RAB11FIP4: variants seen among roughly 807,000 people sequenced by gnomAD.
The protein encoded by RAB11FIP4 is RAB11 family interacting protein 4.
In RAB11FIP4, 23 loss-of-function variants were observed where a neutral mutation model predicts 74.3. The ratio of observed to expected loss-of-function variants is 0.31; its 90% CI spans 0.22 to 0.44. RAB11FIP4 has a LOEUF of 0.44. RAB11FIP4 is among the 20% of genes least tolerant of loss of function. RAB11FIP4 has a pLI of 1.00. For synonymous variants in RAB11FIP4, 360 were observed against 359.9 expected (o/e 1.00, Z 0.00); for missense variants, 630 against 863.9 (o/e 0.73, Z 3.39).
At chr17:31,418,916 C>G (rs1045829611) in intron 1 of RAB11FIP4, among the ~76,000 whole-genome samples, 1 of 152,150 alleles carries the variant, frequency 6.6e-6, no homozygotes, top group Middle Eastern at 3.2e-3. Context: ...ACGGCTCATC[C>G]CCCAAATTCT....
chr17:31,512,250 T>C lies in RAB11FIP4; in HGVS notation c.337-5401T>C, dbSNP rs892863138. 6.6e-6 allele frequency among the ~76,000 whole-genome samples: 1 copy of C among 151,526 alleles called. No individual in the cohort carries two copies. The highest frequency in any genetic ancestry group is 1.5e-5 in the Non-Finnish European group (1 of 67,794). ...GCTCCTACCGTGACCGACTCTCCGG[T>C]GTAAATTGTCACGTGTGGCCCCCTA... On this transcript the variant is annotated intron_variant, in intron 3 of 14. Coordinates refer to ENST00000621161, the MANE Select transcript of RAB11FIP4 (RefSeq NM_032932.6). The surrounding 1 kb of genome is among the most constrained non-coding windows in gnomAD (Gnocchi z 4.1).
At chr17:31,421,244 C>T (rs1200171550) in intron 1 of RAB11FIP4, among the ~76,000 whole-genome samples, 1 of 151,294 alleles carries the variant, frequency 6.6e-6, no homozygotes, top group East Asian at 1.9e-4. Context: ...TTTTTTGAGA[C>T]AGTCTCGCTC....
intron 3 of RAB11FIP4, among the ~76,000 whole-genome samples, chr17:31,445,575 T>C (rs9905999): frequency 0.042 from 465 of 10,962 alleles, 19 homozygotes; most frequent in African/African-American, 0.14. Context: ...TATATATATA[T>C]ATATTTTTTT....
intron 3 of RAB11FIP4, among the ~76,000 whole-genome samples, chr17:31,442,827 G>A (rs773834084): frequency 6.6e-6 from 1 of 152,128 alleles, no homozygotes; most frequent in Non-Finnish European, 1.5e-5. Context: ...AGGCGTGATA[G>A]CGCATGCCTG....
At chr17:31,466,323 C>CT (rs1394482235) in intron 3 of RAB11FIP4, among the ~76,000 whole-genome samples, 28 of 152,204 alleles carry the variant, frequency 1.8e-4, no homozygotes, top group Non-Finnish European at 2.8e-4. Context: ...TCCGCCACTT[C>CT]TAGTCCTGTG....
chr17:31,505,091 G>A (rs967275268), intron 3 of RAB11FIP4, among the ~76,000 whole-genome samples: 1 of 152,004 alleles, frequency 6.6e-6, no homozygotes, highest in Non-Finnish European at 1.5e-5. Flanking sequence ...CTTAGGCATC[G>A]CGTTGGGAGG....
intron 4 of RAB11FIP4, 95 bp from the exon 5 acceptor site, chr17:31,521,071 C>A: frequency 1.0e-6 from 1 of 969,110 alleles, no homozygotes; most frequent in Non-Finnish European, 1.5e-6. Flanking sequence ...ATCGGTAGTG[C>A]CAATTAAAGG....
chr17:31,528,745 G>T lies in RAB11FIP4; in HGVS notation c.1620G>T (p.Val540=). ...LGEFNARARE[V]ELEHEVKRLK... ...AGTTCAATGCCAGGGCCCGCGAGGT[G>T]GAGCTCGAGCACGAGGTCAAGCGGC... The change falls in exon 13 of 15, where the codon GTG becomes GTT. Residue 540 remains valine (V), a synonymous_variant. Coordinates refer to ENST00000621161, the MANE Select transcript of RAB11FIP4 (RefSeq NM_032932.6). 2 of 1,611,202 alleles carry T rather than the reference G, an allele frequency of 1.2e-6. No homozygotes were observed.
At chr17:31,519,007 CT>C (rs1190316585) in intron 4 of RAB11FIP4, among the ~76,000 whole-genome samples, 6,491 of 73,798 alleles carry the variant, frequency 0.088, 66 homozygotes, top group South Asian at 0.14. Flanking sequence ...TAAGTTTTGT[CT>C]TTTTTTTTTT....
At chr17:31,488,065 C>A (rs1282101576) in intron 3 of RAB11FIP4, 1 of 1,016,832 alleles carries the variant, frequency 9.8e-7, no homozygotes, top group Non-Finnish European at 1.2e-6. Context: ...CTTCGGCCCA[C>A]GCGGGTCTCC....
At chr17:31,488,906 C>A (rs1271238697) in intron 3 of RAB11FIP4, among the ~76,000 whole-genome samples, 2 of 152,198 alleles carry the variant, frequency 1.3e-5, no homozygotes, top group African/African-American at 4.8e-5. Flanking sequence ...GTCCTGGCGG[C>A]GCAGTCTCTG....
Position 31,531,888 on chromosome 17 carries a change from GCA to G in RAB11FIP4, c.*160_*161del. The G allele has an allele frequency of 1.6e-6, 1 of 631,422 alleles. No homozygotes were observed. Among genetic ancestry groups the G allele is most frequent in the Non-Finnish European group, 2.8e-6 (1 of 355,040 alleles). 39.1% of individuals were successfully genotyped at this position (631,422 alleles called of 1,614,324 possible). ...ACCCGTGTATATGTGGGGAGGCTGT[GCA>G]CACGAGCGAGGGGTGAGTGGCCGTG... On this transcript the variant is annotated 3_prime_UTR_variant, in exon 15 of 15. Coordinates refer to ENST00000621161, the MANE Select transcript of RAB11FIP4 (RefSeq NM_032932.6).
chr17:31,409,969 G>A (rs1187485608), intron 1 of RAB11FIP4, among the ~76,000 whole-genome samples: 1 of 152,130 alleles, frequency 6.6e-6, no homozygotes, highest in Non-Finnish European at 1.5e-5. Context: ...TGTCTGAACG[G>A]GTCAGAGGTC....
At chr17:31,483,658 C>G (rs1042273862) in intron 3 of RAB11FIP4, among the ~76,000 whole-genome samples, 1 of 152,120 alleles carries the variant, frequency 6.6e-6, no homozygotes, top group Admixed American at 6.6e-5. Flanking sequence ...ACTTGCCAGA[C>G]TTTTTGTTTT....
At chr17:31,483,836 C>A (rs1289701413) in intron 3 of RAB11FIP4, among the ~76,000 whole-genome samples, 1 of 152,076 alleles carries the variant, frequency 6.6e-6, no homozygotes, top group African/African-American at 2.4e-5. Context: ...TTCCACATGG[C>A]CCCAAACATG....
At chr17:31,443,269 A>G (rs2071422350) in intron 3 of RAB11FIP4, among the ~76,000 whole-genome samples, 1 of 152,216 alleles carries the variant, frequency 6.6e-6, no homozygotes, top group African/African-American at 2.4e-5. Context: ...AGAACCAGAA[A>G]TATAACTTTT....
At chr17:31,505,806 A>G (rs1234233185) in intron 3 of RAB11FIP4, among the ~76,000 whole-genome samples, 2 of 145,838 alleles carry the variant, frequency 1.4e-5, no homozygotes, top group Admixed American at 1.5e-4. Context: ...CGTGGCCTCA[A>G]GCAATCCTTT....
chr17:31,429,164 C>T (rs529437497), intron 1 of RAB11FIP4, among the ~76,000 whole-genome samples: 39 of 152,170 alleles, frequency 2.6e-4, no homozygotes, highest in African/African-American at 9.2e-4. Flanking sequence ...ACGGTGCAAG[C>T]GACCAGGTAT....
At chr17:31,474,015 G>T (rs932816790) in intron 3 of RAB11FIP4, among the ~76,000 whole-genome samples, 1 of 152,150 alleles carries the variant, frequency 6.6e-6, no homozygotes, top group African/African-American at 2.4e-5. Flanking sequence ...TTGCCCCCTT[G>T]CCTCTTTCTG....
Sources: gnomAD v4.1 joint callset for allele counts (sites outside exome capture counted in the v4.1 genomes callset) on GRCh38, gnomAD v4.1.1 for gene constraint, Gnocchi (gnomAD v3.1) non-coding constraint, MANE v1.5 for transcripts, NCBI Gene and HGNC (gene_info 2026-07-23, HGNC 2026-07-21) for gene names.